The following POLE4 variants were observed in gnomAD, a reference collection of about 807,000 sequenced individuals.
POLE4 encodes the protein DNA polymerase epsilon subunit 4.
In POLE4, 15 loss-of-function variants were observed where a neutral mutation model predicts 15.6. That is an observed-to-expected ratio of 0.96 (90% confidence interval 0.64 to 1.48). POLE4 has a LOEUF of 1.48. Among genes scored for constraint, POLE4 ranks in the 40% most tolerant of loss-of-function variants. The probability of loss-of-function intolerance (pLI) is 0.00; values close to 1 mark genes in which losing one functional copy is unlikely to be tolerated. For synonymous variants in POLE4, 83 were observed against 63.2 expected, an observed-to-expected ratio of 1.31 and a Z score of -1.49; for missense variants, 205 against 151.9, an observed-to-expected ratio of 1.35 and a Z score of -1.84.
In POLE4 at chr2:74,969,486, C is replaced by T; in HGVS notation, c.*64C>T. ...CCTTCAGTTCACCCCTCTGCACAGG[C>T]CTCAGCTTTGAAGAACGGAGTCTTT... On this transcript the variant is annotated 3_prime_UTR_variant, in exon 4 of 4. Coordinates refer to ENST00000483063, the MANE Select transcript of POLE4 (RefSeq NM_019896.4). 6.7e-7 allele frequency: 1 copy of T among 1,497,798 alleles called. No homozygotes were observed. Among genetic ancestry groups the T allele is most frequent in the Non-Finnish European group, 9.3e-7 (1 of 1,073,714 alleles). The allele number at this position is 1,497,798 out of a possible 1,614,324, so 92.8% of individuals were successfully genotyped here. A position where few individuals can be genotyped will look rare whatever the true frequency, so the allele number is the denominator to read the frequency against.
rs192371599 is a variant in POLE4 at position 74,964,046 on chromosome 2, G to A, written c.340+3900G>A. On this transcript the variant is annotated intron_variant, in intron 3 of 3. Transcript: ENST00000483063. ...TTCATAACAGTGGAGTTGAATTTTTGTGTATTGGGTTGGGGGTCCAGTCTC... is the reference window on the plus strand; with the variant it reads ...TTCATAACAGTGGAGTTGAATTTTTATGTATTGGGTTGGGGGTCCAGTCTC... Among the ~76,000 whole-genome samples, 18 of 150,060 alleles carry A rather than the reference G, an allele frequency of 1.2e-4. No homozygotes were observed. The East Asian group carries it at 3.5e-3, about 29-fold the overall frequency.
At position 74,969,620 on chromosome 2, in the gene POLE4, C is replaced by A. The variant is rs1558829814; in HGVS notation, c.*198C>A. On this transcript the variant is annotated 3_prime_UTR_variant, in exon 4 of 4. Coordinates refer to ENST00000483063, the MANE Select transcript of POLE4 (RefSeq NM_019896.4). ...TCTTCCACTATTTCTGTCTGTCTTC[C>A]ATATCAAGCCTGGATGCAGCTGCTG... is the stretch of plus-strand genomic sequence containing the variant. 2 of 627,090 alleles carry A rather than the reference C, an allele frequency of 3.2e-6. No individual in the cohort carries two copies. The highest frequency in any genetic ancestry group is 5.8e-6 in the Non-Finnish European group (2 of 347,508). 38.8% of individuals were successfully genotyped at this position (627,090 alleles called of 1,614,324 possible). A position where few individuals can be genotyped will look rare whatever the true frequency, so the allele number is the denominator to read the frequency against.
At position 74,969,531 on chromosome 2, in the gene POLE4, C is replaced by T; in HGVS notation, c.*109C>T. 1 of 959,432 alleles carries T rather than the reference C, an allele frequency of 1.0e-6. No homozygotes were observed. The highest frequency in any genetic ancestry group is 1.3e-5 in the South Asian group (1 of 77,976). 59.4% of individuals were successfully genotyped at this position (959,432 alleles called of 1,614,324 possible). On this transcript the variant is annotated 3_prime_UTR_variant, in exon 4 of 4. Transcript: ENST00000483063. ...GTCTTTGCACTTACACACACTCTTC[C>T]TGTTCTGCCTTCACCTATGCCGGGA...
chr2:74,966,323 A>G (rs964765673), intron 3 of POLE4, among the ~76,000 whole-genome samples: 6 of 152,182 alleles, frequency 3.9e-5, no homozygotes, highest in African/African-American at 1.2e-4. Flanking sequence ...GTCAATCTAC[A>G]TAAGGCATTT....
chr2:74,967,003 C>G (rs1437061312), intron 3 of POLE4, among the ~76,000 whole-genome samples: 1 of 150,558 alleles, frequency 6.6e-6, no homozygotes, highest in African/African-American at 2.4e-5. Context: ...TGTTTTTTGT[C>G]TGCTTTTAAG....
At chr2:74,960,459 C>G in intron 3 of POLE4, 1 of 470,098 alleles carries the variant, frequency 2.1e-6, no homozygotes, top group Non-Finnish European at 4.0e-6. Flanking sequence ...AGGCTTGCCC[C>G]CCCTCATCAT....
At chr2:74,959,804 C>T (rs992798119) in intron 2 of POLE4, 7 of 457,140 alleles carry the variant, frequency 1.5e-5, no homozygotes, top group African/African-American at 1.4e-4. Flanking sequence ...TCTATTGCCA[C>T]GTTCTTCTCT....
chr2:74,958,750 C>T lies in POLE4; in HGVS notation c.71C>T (p.Ala24Val), dbSNP rs1293397030. 3 of 1,528,874 alleles carry T rather than the reference C, an allele frequency of 2.0e-6. No individual in the cohort carries two copies. Among genetic ancestry groups the T allele is most frequent in the Non-Finnish European group, 8.8e-7 (1 of 1,138,330 alleles). The allele number at this position is 1,528,874 out of a possible 1,614,324, so 94.7% of individuals were successfully genotyped here. ...GAGGGACCTGCTGGGGAGGCAGCGG[C>T]CTCGCAGCCCCAGGCCCCAACGAGT... ...EEEGPAGEAA[A>V]SQPQAPTSVP... Residue 24 changes from alanine (A) to valine (V), a missense_variant, in exon 1 of 4, where the codon GCC becomes GTC. Coordinates refer to ENST00000483063, the MANE Select transcript of POLE4 (RefSeq NM_019896.4).
chr2:74,963,964 C>T (rs1053170855), intron 3 of POLE4, among the ~76,000 whole-genome samples: 1 of 145,294 alleles, frequency 6.9e-6, no homozygotes, highest in African/African-American at 2.4e-5. Context: ...GAAAATATTC[C>T]CTACTGTATT....
chr2:74,965,901 T>TA (rs1237640888), intron 3 of POLE4, among the ~76,000 whole-genome samples: 4 of 152,196 alleles, frequency 2.6e-5, no homozygotes, highest in Admixed American at 6.5e-5. Context: ...GAACAGAATT[T>TA]AACTGGATTA....
At chr2:74,966,904 T>C (rs958859503) in intron 3 of POLE4, among the ~76,000 whole-genome samples, 7 of 152,220 alleles carry the variant, frequency 4.6e-5, no homozygotes. Context: ...ACATTGAAGC[T>C]ATCATTTTAC....
At chr2:74,962,051 A>G (rs1198869169) in intron 3 of POLE4, among the ~76,000 whole-genome samples, 1 of 152,114 alleles carries the variant, frequency 6.6e-6, no homozygotes, top group African/African-American at 2.4e-5. Context: ...GTTTATTTCT[A>G]ACTAATATGC....
chr2:74,966,992 T>C (rs1671306820), intron 3 of POLE4, among the ~76,000 whole-genome samples: 1 of 152,228 alleles, frequency 6.6e-6, no homozygotes, highest in Admixed American at 6.5e-5. Flanking sequence ...TTTATCCTTT[T>C]TGTTTTTTGT....
Position 74,969,564 on chromosome 2 carries a change from A to C in POLE4, c.*142A>C, listed in dbSNP as rs1432856206. On this transcript the variant is annotated 3_prime_UTR_variant, in exon 4 of 4. Transcript: ENST00000483063. Reference sequence around the variant, plus strand: ...CCTTCACCTATGCCGGGATAAGCAGAGATCTCATCAATTAGCTCTTCTCTG... The same window carrying C: ...CCTTCACCTATGCCGGGATAAGCAGCGATCTCATCAATTAGCTCTTCTCTG... 2 of 789,724 alleles carry C rather than the reference A, an allele frequency of 2.5e-6. No individual in the cohort carries two copies. Among genetic ancestry groups the C allele is most frequent in the Non-Finnish European group, 4.5e-6 (2 of 442,546 alleles). 48.9% of individuals were successfully genotyped at this position (789,724 alleles called of 1,614,324 possible). A position where few individuals can be genotyped will look rare whatever the true frequency, so the allele number is the denominator to read the frequency against.
At chr2:74,967,314 A>AT (rs199508825) in intron 3 of POLE4, among the ~76,000 whole-genome samples, 1,998 of 135,454 alleles carry the variant, frequency 0.015, 15 homozygotes, top group Middle Eastern at 0.03. Flanking sequence ...CCTTTAAACT[A>AT]TTTTTTTTGT....
intron 3 of POLE4, among the ~76,000 whole-genome samples, chr2:74,966,870 G>C (rs1671303287): frequency 6.6e-6 from 1 of 151,568 alleles, no homozygotes. Context: ...ATAAATTCTA[G>C]GTGGAAAATT....
intron 3 of POLE4, 50 bp from the exon 4 acceptor site, chr2:74,969,359 A>C (rs1671337450): frequency 3.8e-6 from 6 of 1,591,644 alleles, no homozygotes; most frequent in Admixed American, 1.7e-5. Flanking sequence ...TGTTACACTA[A>C]TCCAGCTTCT....
chr2:74,960,503 G>A (rs1671201261), intron 3 of POLE4: 1 of 466,574 alleles, frequency 2.1e-6, no homozygotes, highest in Non-Finnish European at 4.2e-6. Context: ...AACATTTAAA[G>A]GGTCACCGCT....
rs1413672481 is a variant in POLE4 at position 74,960,703 on chromosome 2, AGTCTGATCAGCT to A, written c.340+558_340+569del. On this transcript the variant is annotated intron_variant, in intron 3 of 3. Transcript: ENST00000483063. ...AGCGATTTCTGCTACTTAATTCTTC[AGTCTGATCAGCT>A]TACTCTTCACTACACGTATGTAGTC... 61 of 433,626 alleles carry A rather than the reference AGTCTGATCAGCT, an allele frequency of 1.4e-4. No homozygotes were observed. In the Middle Eastern group the frequency reaches 2.8e-3, roughly 20 times the overall value. The allele number at this position is 433,626 out of a possible 1,614,324, so 26.9% of individuals were successfully genotyped here. A position where few individuals can be genotyped will look rare whatever the true frequency, so the allele number is the denominator to read the frequency against.
Sources: gnomAD v4.1 joint callset for allele counts (sites outside exome capture counted in the v4.1 genomes callset) on GRCh38, gnomAD v4.1.1 for gene constraint, MANE v1.5 for transcripts, NCBI Gene and HGNC (gene_info 2026-07-23, HGNC 2026-07-21) for gene names.